The following KIAA0586 variants were observed in gnomAD, a reference collection of about 807,000 sequenced individuals.
The protein encoded by KIAA0586 is KIAA0586.
KIAA0586 carries 144 observed loss-of-function variants against 169.8 expected under a neutral mutation model. The observed-to-expected ratio is 0.85, with a 90% confidence interval of 0.74 to 0.97. KIAA0586 has a LOEUF of 0.97. Ranked by LOEUF, KIAA0586 falls within the 50% of genes least tolerant of loss-of-function variation. The pLI is 0.00. For synonymous variants in KIAA0586, 625 were observed against 612.4 expected (o/e 1.02, Z -0.30); for missense variants, 1,854 against 1,823.0 (o/e 1.02, Z -0.31).
At chr14:58,510,108 C>T (rs1215221711) in intron 28 of KIAA0586, among the ~76,000 whole-genome samples, 3 of 152,298 alleles carry the variant, frequency 2.0e-5, no homozygotes, top group Non-Finnish European at 2.9e-5. Flanking sequence ...TGGTGGCTCA[C>T]GCCTGTAATC....
intron 6 of KIAA0586, among the ~76,000 whole-genome samples, chr14:58,447,395 C>G (rs1743730): frequency 0.98 from 148,503 of 151,980 alleles, 72,637 homozygotes; most frequent in Non-Finnish European, 1. Flanking sequence ...ATAAAACCCT[C>G]TTTTTTGAAA....
At chr14:58,505,964 C>T (rs1015784479) in intron 27 of KIAA0586, among the ~76,000 whole-genome samples, 1 of 152,010 alleles carries the variant, frequency 6.6e-6, no homozygotes, top group Admixed American at 6.6e-5. Flanking sequence ...GATTATGTTG[C>T]TATACTGTAG....
Position 58,492,170 on chromosome 14 carries a change from A to G in KIAA0586, c.3885A>G (p.Gln1295=), listed in dbSNP as rs779179754. The G allele has an allele frequency of 1.3e-6, 2 of 1,546,476 alleles. No homozygotes were observed. The highest frequency in any genetic ancestry group is 1.2e-5 in the South Asian group (1 of 82,860). ...AGGATGATCCTCCTAGTGAAGGGCA[A>G]GTGATTAGGATGTCCCATAAAAAAT... is the stretch of plus-strand genomic sequence containing the variant. ...EMEDDPPSEG[Q]VIRMSHKKFH... Residue 1295 remains glutamine, a synonymous_variant, in exon 26 of 31, where the codon CAA becomes CAG. Coordinates refer to ENST00000652326, the MANE Select transcript of KIAA0586 (RefSeq NM_001329943.3).
At chr14:58,555,446 A>G (rs1409828893), downstream of KIAA0586, among the ~76,000 whole-genome samples, 1 of 152,190 alleles carries the variant, frequency 6.6e-6, no homozygotes, top group Non-Finnish European at 1.5e-5. Context: ...CATCCTGATA[A>G]CAGACTACTA....
intron 29 of KIAA0586, among the ~76,000 whole-genome samples, chr14:58,533,663 A>G (rs1425620374): frequency 6.6e-6 from 1 of 152,158 alleles, no homozygotes; most frequent in Non-Finnish European, 1.5e-5. Flanking sequence ...GCCCCACGCT[A>G]TCAAAGCACT....
chr14:58,545,264 G>A (rs911060275), intron 30 of KIAA0586, among the ~76,000 whole-genome samples: 6 of 152,152 alleles, frequency 3.9e-5, no homozygotes, highest in African/African-American at 1.2e-4. Context: ...CAAATATAAG[G>A]CAATAACTGC....
At chr14:58,559,271 A>G in the KIAA0586 span, among the ~76,000 whole-genome samples, 6 of 152,140 alleles carry the variant, frequency 3.9e-5, no homozygotes, top group African/African-American at 1.4e-4. Context: ...TCTCTTCTTT[A>G]TGCGATTTTT....
intron 29 of KIAA0586, among the ~76,000 whole-genome samples, chr14:58,523,655 C>T (rs181589623): frequency 2.2e-4 from 34 of 151,814 alleles, no homozygotes; most frequent in Admixed American, 2.0e-3. Context: ...GAGGAACCGT[C>T]TCCAGTTCAA....
At position 58,442,994 on chromosome 14, in the gene KIAA0586, C is replaced by T. The variant is rs1405928650; in HGVS notation, c.585+114C>T. ...TTATAGACTAGGAACATTGTAGTTG[C>T]TCTCAATTTGAAAGAATTTTCCCAT... On this transcript the variant is annotated intron_variant, in intron 5 of 30. Transcript: ENST00000652326. 24 of 750,582 alleles carry T rather than the reference C, an allele frequency of 3.2e-5. No homozygotes were observed. In the African/African-American group the frequency reaches 4.3e-4, roughly 13 times the overall value. 46.5% of individuals were successfully genotyped at this position (750,582 alleles called of 1,614,324 possible). A position where few individuals can be genotyped will look rare whatever the true frequency, so the allele number is the denominator to read the frequency against.
chr14:58,487,580 T>C (rs1457359754), intron 22 of KIAA0586, among the ~76,000 whole-genome samples: 1 of 151,058 alleles, frequency 6.6e-6, no homozygotes, highest in Non-Finnish European at 1.5e-5. Context: ...CACTCCACCC[T>C]GGGCAAGGGA....
chr14:58,543,702 A>T (rs2046806638), intron 30 of KIAA0586, among the ~76,000 whole-genome samples: 1 of 152,198 alleles, frequency 6.6e-6, no homozygotes, highest in South Asian at 2.1e-4. Flanking sequence ...GTCATTTCAG[A>T]GTGAAACTTG....
intron 28 of KIAA0586, among the ~76,000 whole-genome samples, chr14:58,509,406 AT>A (rs1254359970): frequency 2.6e-5 from 4 of 152,200 alleles, no homozygotes; most frequent in African/African-American, 9.7e-5. Context: ...TGCATAAGAA[AT>A]TTAATGCTGA....
intron 28 of KIAA0586, among the ~76,000 whole-genome samples, chr14:58,511,647 T>C (rs555455306): frequency 6.6e-6 from 1 of 152,254 alleles, no homozygotes; most frequent in East Asian, 1.9e-4. Context: ...GAAACATACA[T>C]GACTAACGGC....
chr14:58,537,248 A>C, intron 29 of KIAA0586: 1 of 926,752 alleles, frequency 1.1e-6, no homozygotes, highest in Non-Finnish European at 1.3e-6. Context: ...TTAACTGTTA[A>C]GACGTATCAC....
intron 16 of KIAA0586, among the ~76,000 whole-genome samples, chr14:58,470,123 AGT>A (rs2041093644): frequency 6.6e-6 from 1 of 151,414 alleles, no homozygotes; most frequent in African/African-American, 2.4e-5. Context: ...TTTTTTTTGT[AGT>A]GATATATATA....
chr14:58,520,707 G>A (rs956480113), intron 29 of KIAA0586, among the ~76,000 whole-genome samples: 7 of 151,794 alleles, frequency 4.6e-5, no homozygotes, highest in African/African-American at 1.7e-4. Context: ...TTCATTTTTT[G>A]TAGAGACAAG....
rs754603709 is a variant in KIAA0586 at position 58,463,910 on chromosome 14, G to C, written c.2060-1925G>C. On this transcript the variant is annotated intron_variant, in intron 14 of 30. Coordinates refer to ENST00000652326, the MANE Select transcript of KIAA0586 (RefSeq NM_001329943.3). ...AGTGGAAGTGTAGGTGACGGTCTGA[G>C]ACATCACCACCAACCTGGGCACTGG... 4 of 348,096 alleles carry C rather than the reference G, an allele frequency of 1.1e-5. 1 individual carries two copies. Among genetic ancestry groups the C allele is most frequent in the Non-Finnish European group, 2.3e-5 (4 of 176,156 alleles). 21.6% of individuals were successfully genotyped at this position (348,096 alleles called of 1,614,324 possible). A position where few individuals can be genotyped will look rare whatever the true frequency, so the allele number is the denominator to read the frequency against.
intron 8 of KIAA0586, among the ~76,000 whole-genome samples, chr14:58,451,481 C>G (rs1408800618): frequency 6.6e-6 from 1 of 152,140 alleles, no homozygotes; most frequent in Non-Finnish European, 1.5e-5. Flanking sequence ...CCCGCCTCAG[C>G]CTCCCAAAGT....
intron 12 of KIAA0586, among the ~76,000 whole-genome samples, chr14:58,459,293 A>G (rs942689521): frequency 6.6e-6 from 1 of 152,132 alleles, no homozygotes; most frequent in Non-Finnish European, 1.5e-5. Flanking sequence ...TGAAAAATTT[A>G]TTTTAGGTAC....
Sources: allele counts gnomAD v4.1 joint callset (sites outside exome capture counted in the v4.1 genomes callset), GRCh38; gene constraint gnomAD v4.1.1; transcripts MANE v1.5; gene names NCBI Gene and HGNC (gene_info 2026-07-23, HGNC 2026-07-21).